Variants in RBM44 observed in about 807,000 individuals in gnomAD.
RBM44 encodes RNA binding motif protein 44.
In RBM44, 66 loss-of-function variants were observed where a neutral mutation model predicts 105.1. That is an observed-to-expected ratio of 0.63 (90% confidence interval 0.52 to 0.77). The LOEUF (loss-of-function observed/expected upper bound fraction) is 0.77, where lower values mean the gene tolerates loss of function less well. Among genes scored for constraint, RBM44 ranks in the 30% least tolerant of loss-of-function variants. RBM44 has a pLI of 0.00. For synonymous variants in RBM44, 365 were observed against 417.6 expected (o/e 0.87, Z 1.54); for missense variants, 1,122 against 1,207.8 (o/e 0.93, Z 1.05).
intron 15 of RBM44, among the ~76,000 whole-genome samples, chr2:237,837,100 A>G (rs2061967767): frequency 6.6e-6 from 1 of 152,176 alleles, no homozygotes; most frequent in Non-Finnish European, 1.5e-5. Flanking sequence ...GAATCTTTTA[A>G]GCTCACCATT....
At chr2:237,800,852 G>T (rs1253428800) in intron 1 of RBM44, among the ~76,000 whole-genome samples, 1 of 151,334 alleles carries the variant, frequency 6.6e-6, no homozygotes, top group Non-Finnish European at 1.5e-5. Flanking sequence ...TCAGCCTCCT[G>T]AGTAGCTGGG....
In RBM44 at chr2:237,829,451, G is replaced by A. The variant is rs761272021; in HGVS notation, c.2835G>A (p.Arg945=). ...CCATTTCTAGATTGCCCAGAACTAGGCCACGGCAGCTGGGTTCTGAGCAAG... is the reference window on the plus strand; with the variant it reads ...CCATTTCTAGATTGCCCAGAACTAGACCACGGCAGCTGGGTTCTGAGCAAG... ...EFSISRLPRT[R]PRQLGSEQDS... is the part of the protein sequence containing the mutation. Residue 945 remains arginine (R), a synonymous_variant, in exon 13 of 16, where the codon AGG becomes AGA. Coordinates refer to ENST00000316997, the MANE Select transcript of RBM44 (RefSeq NM_001080504.3). The A allele has an allele frequency of 6.2e-7, 1 of 1,613,658 alleles. No individual in the cohort carries two copies. The highest frequency in any genetic ancestry group is 1.7e-5 in the Admixed American group (1 of 59,994).
chr2:237,806,666 C>A (rs1310884277), intron 1 of RBM44, among the ~76,000 whole-genome samples: 2 of 151,660 alleles, frequency 1.3e-5, no homozygotes, highest in Non-Finnish European at 2.9e-5. Context: ...GGACAGTGTT[C>A]CTGAGAGAAG....
intron 15 of RBM44, among the ~76,000 whole-genome samples, chr2:237,836,765 C>T (rs111869286): frequency 3.5e-5 from 5 of 142,756 alleles, no homozygotes; most frequent in African/African-American, 5.3e-5. Flanking sequence ...GGCGACAGAG[C>T]GAGACTCCGT....
intron 1 of RBM44, among the ~76,000 whole-genome samples, chr2:237,800,420 T>G (rs556181194): frequency 1.3e-5 from 2 of 152,330 alleles, no homozygotes; most frequent in East Asian, 3.9e-4. Flanking sequence ...AATTTTCTCT[T>G]TGGCAAACGT....
Position 237,811,979 on chromosome 2 carries a change from CA to C in RBM44, c.-18-1611del, listed in dbSNP as rs1346468399. Among the ~76,000 whole-genome samples the C allele has an allele frequency of 1.7e-4, 26 of 152,232 alleles. No individual in the cohort carries two copies. The South Asian group carries it at 5.2e-3, about 30-fold the overall frequency. On this transcript the variant is annotated intron_variant, in intron 1 of 15. Transcript: ENST00000316997. ...AAGTAATTCTCGTGCCTCAGCCTCC[CA>C]AGTAGTTGGGACTACAGGCACATGC...
At position 237,821,197 on chromosome 2, in the gene RBM44, G is replaced by GC. The variant is rs1559915345; in HGVS notation, c.2045dup (p.Leu683ThrfsTer32). 1.2e-6 allele frequency: 2 copies of GC among 1,610,466 alleles called. No individual in the cohort carries two copies. Among genetic ancestry groups the GC allele is most frequent in the Non-Finnish European group, 1.7e-6 (2 of 1,178,336 alleles). ...ACAAAGGCATACCACTGGAAGAGCT[G>GC]CCCCCACTGTCACTAGAATCAAAAT... On this transcript the variant is annotated frameshift_variant, in exon 6 of 16. Coordinates refer to ENST00000316997, the MANE Select transcript of RBM44 (RefSeq NM_001080504.3). LOFTEE classifies it high-confidence loss of function.
intron 1 of RBM44, 139 bp from the exon 2 acceptor site, chr2:237,813,453 C>A: frequency 2.0e-6 from 1 of 496,558 alleles, no homozygotes; most frequent in Non-Finnish European, 3.6e-6. Context: ...ATTTAAACTT[C>A]TTTTAGTGAC....
At chr2:237,827,107 A>G in intron 10 of RBM44, 143 bp from the exon 11 acceptor site, 1 of 600,514 alleles carries the variant, frequency 1.7e-6, no homozygotes. Context: ...TCCTCAGTCT[A>G]GAAGTGCTGA....
Position 237,817,364 on chromosome 2 carries a change from G to T in RBM44, c.445G>T (p.Glu149Ter). The T allele has an allele frequency of 1.2e-6, 2 of 1,600,668 alleles. No individual in the cohort carries two copies. Among genetic ancestry groups the T allele is most frequent in the South Asian group, 2.2e-5 (2 of 89,404 alleles). The stretch of plus-strand genomic sequence containing the variant: ...AGAGGAGGTTTTTTTTAATATTTTG[G>T]AACATCAAGATAAGACTGTTGGCTT... ...KKEEVFFNILEHQDKTVGLER... is the reference protein window; with the variant it reads ...KKEEVFFNIL Residue 149 changes from glutamate (E) to a stop codon, truncating the protein, a stop_gained, in exon 3 of 16, where the codon GAA becomes TAA. Coordinates refer to ENST00000316997, the MANE Select transcript of RBM44 (RefSeq NM_001080504.3). LOFTEE classifies it high-confidence loss of function.
intron 1 of RBM44, among the ~76,000 whole-genome samples, chr2:237,804,452 T>G (rs1030210403): frequency 3.6e-4 from 55 of 152,330 alleles, no homozygotes; most frequent in Middle Eastern, 3.4e-3. Flanking sequence ...GCATCTGTTG[T>G]TTTTTGACTT....
At chr2:237,813,747 C>T (rs987285819) in intron 2 of RBM44, 65 bp downstream of exon 2, 25 of 1,069,392 alleles carry the variant, frequency 2.3e-5, no homozygotes, top group Non-Finnish European at 3.2e-5. Context: ...TTGTGCCAGA[C>T]AGTTTGCCCT....
intron 15 of RBM44, among the ~76,000 whole-genome samples, chr2:237,836,218 A>C (rs937821402): frequency 6.6e-6 from 1 of 152,202 alleles, no homozygotes; most frequent in East Asian, 1.9e-4. Context: ...GGCCCTTAGG[A>C]ATTACACTAA....
At chr2:237,813,069 CCTGT>C (rs1478482565) in intron 1 of RBM44, among the ~76,000 whole-genome samples, 17 of 152,232 alleles carry the variant, frequency 1.1e-4, no homozygotes, top group Admixed American at 3.9e-4. Flanking sequence ...CCATCATAAA[CCTGT>C]CTTAGAACAT....
At chr2:237,820,501 C>A (rs1576507349) in intron 5 of RBM44, 150 bp downstream of exon 5, 1 of 494,392 alleles carries the variant, frequency 2.0e-6, no homozygotes, top group East Asian at 3.4e-5. Flanking sequence ...GGTAATAGAA[C>A]CCTTGAGTTT....
At chr2:237,808,792 T>C (rs1175779140) in intron 1 of RBM44, among the ~76,000 whole-genome samples, 1 of 152,210 alleles carries the variant, frequency 6.6e-6, no homozygotes, top group Non-Finnish European at 1.5e-5. Context: ...TCTACCTCTT[T>C]TGTTTTTATA....
At chr2:237,801,245 CA>C (rs1212953038) in intron 1 of RBM44, among the ~76,000 whole-genome samples, 3 of 152,156 alleles carry the variant, frequency 2.0e-5, no homozygotes, top group African/African-American at 7.2e-5. Flanking sequence ...CACCTGAACC[CA>C]GGGACGTTGA....
At chr2:237,800,918 C>G (rs1471029848) in intron 1 of RBM44, among the ~76,000 whole-genome samples, 4 of 152,106 alleles carry the variant, frequency 2.6e-5, no homozygotes, top group Non-Finnish European at 4.4e-5. Context: ...GGGTTTTCAC[C>G]GTGTTGGCCA....
At chr2:237,804,700 A>G (rs998815336) in intron 1 of RBM44, among the ~76,000 whole-genome samples, 1 of 152,226 alleles carries the variant, frequency 6.6e-6, no homozygotes, top group East Asian at 1.9e-4. Flanking sequence ...CAGAATCTAT[A>G]GGTAGCAGAT....
Sources: allele counts gnomAD v4.1 joint callset (sites outside exome capture counted in the v4.1 genomes callset), GRCh38; gene constraint gnomAD v4.1.1; transcripts MANE v1.5; gene names NCBI Gene and HGNC (gene_info 2026-07-23, HGNC 2026-07-21).